Variants in L3MBTL4 observed in about 807,000 individuals in gnomAD.
L3MBTL4 encodes the protein L3MBTL histone methyl-lysine binding protein 4.
A neutral mutation model predicts 84.5 loss-of-function variants in L3MBTL4; 70 were observed. The observed-to-expected ratio is 0.83, with a 90% confidence interval of 0.68 to 1.01. The LOEUF (loss-of-function observed/expected upper bound fraction) is 1.01, where lower values mean the gene tolerates loss of function less well. Among genes scored for constraint, L3MBTL4 ranks in the 50% least tolerant of loss-of-function variants. The pLI is 0.00. For missense variants in L3MBTL4, 715 were observed against 754.8 expected (o/e 0.95, Z 0.62); for synonymous variants, 274 against 259.8 (o/e 1.05, Z -0.52).
intron 13 of L3MBTL4, among the ~76,000 whole-genome samples, chr18:6,155,103 A>G (rs2043048807): frequency 1.3e-5 from 2 of 152,222 alleles, no homozygotes; most frequent in African/African-American, 4.8e-5. Context: ...AATAGCAACA[A>G]GGAGAATGTG....
chr18:6,082,186 T>TA (rs1339201728), intron 15 of L3MBTL4, among the ~76,000 whole-genome samples: 1 of 152,174 alleles, frequency 6.6e-6, no homozygotes, highest in Admixed American at 6.5e-5. Context: ...AATAGTATGT[T>TA]AAAAACCAGT....
intron 14 of L3MBTL4, among the ~76,000 whole-genome samples, chr18:6,117,016 T>A (rs2059380944): frequency 1.3e-5 from 2 of 152,210 alleles, no homozygotes; most frequent in South Asian, 4.1e-4. Context: ...ATGCATTGCT[T>A]TGGTGTTGCA....
chr18:6,217,839 T>C (rs2046388943), intron 10 of L3MBTL4, among the ~76,000 whole-genome samples: 1 of 152,230 alleles, frequency 6.6e-6, no homozygotes, highest in Non-Finnish European at 1.5e-5. Context: ...CCCTATTATT[T>C]TCTGTTTGTG....
At chr18:6,031,337 G>A in intron 16 of L3MBTL4, 1 of 985,442 alleles carries the variant, frequency 1.0e-6, no homozygotes, top group East Asian at 1.1e-4. Context: ...TTGCAGAGAA[G>A]ATAAATGCCT....
chr18:6,327,260 C>A (rs2051773744), intron 1 of L3MBTL4, among the ~76,000 whole-genome samples: 1 of 152,104 alleles, frequency 6.6e-6, no homozygotes, highest in South Asian at 2.1e-4. Flanking sequence ...ATGCCTAGAA[C>A]CTGGCTGTTT....
chr18:6,370,687 C>A, intron 1 of L3MBTL4, among the ~76,000 whole-genome samples: 1 of 152,168 alleles, frequency 6.6e-6, no homozygotes, highest in Non-Finnish European at 1.5e-5. Context: ...GTGAAGAGTC[C>A]TCCCTGTTGG....
intron 18 of L3MBTL4, among the ~76,000 whole-genome samples, chr18:5,958,100 G>C (rs923911745): frequency 8.3e-5 from 7 of 84,832 alleles, no homozygotes; most frequent in Non-Finnish European, 1.2e-4. Flanking sequence ...AGAAGAAGAA[G>C]AAGAAGAAGA....
intron 1 of L3MBTL4, among the ~76,000 whole-genome samples, chr18:6,410,966 G>A (rs1568622913): frequency 6.6e-6 from 1 of 152,178 alleles, no homozygotes; most frequent in African/African-American, 2.4e-5. Flanking sequence ...GGACACATAG[G>A]TCAAGGGAAC....
At chr18:6,175,592 T>C (rs2044191818) in intron 12 of L3MBTL4, among the ~76,000 whole-genome samples, 1 of 152,170 alleles carries the variant, frequency 6.6e-6, no homozygotes, top group Non-Finnish European at 1.5e-5. Flanking sequence ...AAAAGTAATG[T>C]GGTCATCTCA....
intron 16 of L3MBTL4, among the ~76,000 whole-genome samples, chr18:6,029,220 AG>A (rs1479459533): frequency 6.6e-6 from 1 of 152,230 alleles, no homozygotes; most frequent in Non-Finnish European, 1.5e-5. Context: ...AAGGCATTAG[AG>A]GGTTCTTGCT....
intron 1 of L3MBTL4, among the ~76,000 whole-genome samples, chr18:6,401,406 T>C (rs770804098): frequency 1.3e-5 from 2 of 152,186 alleles, no homozygotes; most frequent in Non-Finnish European, 2.9e-5. Context: ...TGAGTCCTTG[T>C]TGCTCCTTAC....
chr18:6,224,633 C>A (rs79024324), intron 10 of L3MBTL4, among the ~76,000 whole-genome samples: 95 of 152,256 alleles, frequency 6.2e-4, no homozygotes, highest in Non-Finnish European at 1.1e-3. Context: ...CTAGCAGCAC[C>A]CTCCCAAGTC....
intron 1 of L3MBTL4, among the ~76,000 whole-genome samples, chr18:6,390,951 G>T (rs1449198144): frequency 1.3e-5 from 2 of 151,816 alleles, no homozygotes; most frequent in Non-Finnish European, 2.9e-5. Context: ...AAAAGATTGA[G>T]AAAAAGGGAA....
intron 16 of L3MBTL4, among the ~76,000 whole-genome samples, chr18:6,026,667 A>C (rs926902913): frequency 6.6e-6 from 1 of 152,206 alleles, no homozygotes; most frequent in African/African-American, 2.4e-5. Context: ...ACTGAGTAAC[A>C]CTATCAACAC....
At chr18:6,268,407 CA>C (rs374801819) in intron 4 of L3MBTL4, among the ~76,000 whole-genome samples, 1 of 148,172 alleles carries the variant, frequency 6.7e-6, no homozygotes, top group African/African-American at 2.5e-5. Flanking sequence ...AACTCTGTCT[CA>C]AAAAAAAAAT....
chr18:6,309,653 C>T (rs2050741029), intron 3 of L3MBTL4, among the ~76,000 whole-genome samples: 1 of 152,160 alleles, frequency 6.6e-6, no homozygotes, highest in African/African-American at 2.4e-5. Context: ...ATGGTAAACA[C>T]ATCAGGATTA....
intron 1 of L3MBTL4, among the ~76,000 whole-genome samples, chr18:6,346,693 A>G (rs1231232099): frequency 6.6e-6 from 1 of 152,142 alleles, no homozygotes; most frequent in African/African-American, 2.4e-5. Context: ...AGAAAAAATA[A>G]TAAATATTGG....
intron 5 of L3MBTL4, among the ~76,000 whole-genome samples, chr18:6,253,543 A>AT (rs2048015689): frequency 6.6e-6 from 1 of 152,200 alleles, no homozygotes; most frequent in Admixed American, 6.5e-5. Flanking sequence ...GAGGCAGAGG[A>AT]TTTTAAGGTG....
intron 15 of L3MBTL4, among the ~76,000 whole-genome samples, chr18:6,086,095 T>A (rs1568093390): frequency 6.6e-6 from 1 of 152,216 alleles, no homozygotes; most frequent in African/African-American, 2.4e-5. Context: ...TCTTTTCCCA[T>A]AATAAGCAAG....
Sources: allele counts gnomAD v4.1 joint callset (sites outside exome capture counted in the v4.1 genomes callset), GRCh38; gene constraint gnomAD v4.1.1; transcripts MANE v1.5; gene names NCBI Gene and HGNC (gene_info 2026-07-23, HGNC 2026-07-21).